The following UMAD1 variants were observed in gnomAD, a reference collection of about 807,000 sequenced individuals.
UMAD1 encodes UBAP1-MVB12-associated (UMA) domain containing 1.
UMAD1 carries 8 observed loss-of-function variants against 6.1 expected under a neutral mutation model. That is an observed-to-expected ratio of 1.30 (90% confidence interval 0.76 to 2.35). The LOEUF (loss-of-function observed/expected upper bound fraction) is 2.35, where lower values mean the gene tolerates loss of function less well. UMAD1 is among the 30% of genes most tolerant of loss of function. UMAD1 has a pLI of 0.00. For synonymous variants in UMAD1, 56 were observed against 31.4 expected, an observed-to-expected ratio of 1.78 and a Z score of -2.61; for missense variants, 130 against 78.4, an observed-to-expected ratio of 1.66 and a Z score of -2.49.
At chr7:7,812,977 C>A (rs1390533765) in intron 3 of UMAD1, among the ~76,000 whole-genome samples, 1 of 152,136 alleles carries the variant, frequency 6.6e-6, no homozygotes, top group Non-Finnish European at 1.5e-5. Context: ...TAAATTTCAT[C>A]TGAATCTTCA....
At chr7:7,657,293 C>T (rs895597417) in intron 1 of UMAD1, among the ~76,000 whole-genome samples, 9 of 152,122 alleles carry the variant, frequency 5.9e-5, no homozygotes, top group Non-Finnish European at 7.3e-5. Flanking sequence ...GTTTCTTTTG[C>T]TGTGCAGAAG....
chr7:7,847,087 CAAAAAAAAAA>C (rs1190292068), intron 3 of UMAD1, among the ~76,000 whole-genome samples: 83 of 6,270 alleles, frequency 0.013, 6 homozygotes, highest in Non-Finnish European at 0.014. Flanking sequence ...GACAGCAATG[CAAAAAAAAAA>C]AAAAAAAATA....
chr7:7,681,923 C>G (rs1427139642), intron 2 of UMAD1, among the ~76,000 whole-genome samples: 1 of 151,888 alleles, frequency 6.6e-6, no homozygotes, highest in Non-Finnish European at 1.5e-5. Flanking sequence ...CATGAATTAG[C>G]TTATTATGTT....
chr7:7,789,446 CATCTT>C (rs1782522735), intron 2 of UMAD1, among the ~76,000 whole-genome samples: 1 of 150,736 alleles, frequency 6.6e-6, no homozygotes, highest in African/African-American at 2.5e-5. Context: ...TAGAGAAAAA[CATCTT>C]ATTTCTTTAA....
At chr7:7,774,009 C>A (rs112436683) in intron 2 of UMAD1, among the ~76,000 whole-genome samples, 2 of 152,126 alleles carry the variant, frequency 1.3e-5, no homozygotes, top group Admixed American at 6.6e-5. Context: ...CACCACAGAC[C>A]CTAAGAAAAC....
intron 2 of UMAD1, among the ~76,000 whole-genome samples, chr7:7,733,630 G>A (rs1583783765): frequency 6.8e-6 from 1 of 147,852 alleles, no homozygotes; most frequent in South Asian, 2.2e-4. Context: ...TCCCAGGCCA[G>A]TTTTTAATAC....
At chr7:7,770,147 C>T (rs901501556) in intron 2 of UMAD1, among the ~76,000 whole-genome samples, 2 of 152,188 alleles carry the variant, frequency 1.3e-5, no homozygotes, top group Admixed American at 6.5e-5. Flanking sequence ...TAATTTACCT[C>T]CCTTCTCATA....
intron 3 of UMAD1, among the ~76,000 whole-genome samples, chr7:7,838,528 C>G (rs1033964032): frequency 4.6e-5 from 7 of 152,180 alleles, no homozygotes; most frequent in African/African-American, 1.2e-4. Context: ...TTAGTAAAAC[C>G]ACTTTTAGCA....
intron 2 of UMAD1, among the ~76,000 whole-genome samples, chr7:7,700,316 C>G (rs1264602722): frequency 6.6e-6 from 1 of 152,126 alleles, no homozygotes; most frequent in African/African-American, 2.4e-5. Flanking sequence ...TACCAAAGTA[C>G]CTCCCAAAGG....
At chr7:7,790,908 A>G (rs560635905) in intron 2 of UMAD1, among the ~76,000 whole-genome samples, 1 of 152,086 alleles carries the variant, frequency 6.6e-6, no homozygotes, top group South Asian at 2.1e-4. Flanking sequence ...TTTTTTTGAT[A>G]CAGAATCTTG....
intron 2 of UMAD1, among the ~76,000 whole-genome samples, chr7:7,676,807 A>G (rs1583722888): frequency 6.6e-6 from 1 of 152,182 alleles, no homozygotes; most frequent in East Asian, 1.9e-4. Flanking sequence ...TGAAGAACTT[A>G]ACTGAATTGA....
intron 3 of UMAD1, among the ~76,000 whole-genome samples, chr7:7,809,026 T>G (rs1216547753): frequency 6.6e-6 from 1 of 151,988 alleles, no homozygotes; most frequent in Admixed American, 6.6e-5. Context: ...AAGTAACTTA[T>G]TGCATATTTA....
At chr7:7,826,698 C>T (rs903108474) in intron 3 of UMAD1, among the ~76,000 whole-genome samples, 5 of 152,136 alleles carry the variant, frequency 3.3e-5, no homozygotes, top group Non-Finnish European at 7.4e-5. Context: ...ACCCACCCCC[C>T]TTTAAGTAAT....
intron 3 of UMAD1, among the ~76,000 whole-genome samples, chr7:7,876,881 A>G (rs1053176095): frequency 6.6e-6 from 1 of 152,224 alleles, no homozygotes; most frequent in Admixed American, 6.5e-5. Flanking sequence ...AATTTGCCCC[A>G]TAAGCATTCT....
At chr7:7,842,313 T>C (rs1317862718) in intron 3 of UMAD1, among the ~76,000 whole-genome samples, 1 of 152,166 alleles carries the variant, frequency 6.6e-6, no homozygotes, top group Non-Finnish European at 1.5e-5. Context: ...AAATTAGAAA[T>C]TTCTACACAT....
At chr7:7,649,780 C>G (rs1785183922) in intron 1 of UMAD1, among the ~76,000 whole-genome samples, 1 of 152,052 alleles carries the variant, frequency 6.6e-6, no homozygotes, top group Non-Finnish European at 1.5e-5. Flanking sequence ...AATCCTAACC[C>G]CTAAGGTGAT....
At chr7:7,666,329 G>A (rs1277917950) in intron 1 of UMAD1, among the ~76,000 whole-genome samples, 2 of 151,824 alleles carry the variant, frequency 1.3e-5, no homozygotes, top group African/African-American at 4.8e-5. Context: ...TCAGCCTGCC[G>A]AATAGCTGGG....
At chr7:7,839,016 T>C (rs933029881) in intron 3 of UMAD1, among the ~76,000 whole-genome samples, 2 of 152,176 alleles carry the variant, frequency 1.3e-5, no homozygotes, top group African/African-American at 4.8e-5. Flanking sequence ...GGAAAAGGAA[T>C]AGATGGGAGT....
intron 1 of UMAD1, among the ~76,000 whole-genome samples, chr7:7,642,141 G>C (rs568850617): frequency 6.1e-4 from 92 of 151,980 alleles, no homozygotes; most frequent in Non-Finnish European, 1.2e-3. Flanking sequence ...GTCTTTAATA[G>C]CATTTTTTTT....
Sources: allele counts gnomAD v4.1 joint callset (sites outside exome capture counted in the v4.1 genomes callset), GRCh38; gene constraint gnomAD v4.1.1; transcripts MANE v1.5; gene names NCBI Gene and HGNC (gene_info 2026-07-23, HGNC 2026-07-21).